The following GPHN variants were observed in gnomAD, a reference collection of about 807,000 sequenced individuals.
The protein encoded by GPHN is gephyrin.
Under a neutral mutation model 95.5 loss-of-function variants are expected in GPHN, and 17 were observed. That is an observed-to-expected ratio of 0.18 (90% CI 0.12 to 0.27). The LOEUF is 0.27. Among genes scored for constraint, GPHN ranks in the 10% least tolerant of loss-of-function variants. The probability of loss-of-function intolerance (pLI) is 1.00; values close to 1 mark genes in which losing one functional copy is unlikely to be tolerated. For missense variants in GPHN, 660 were observed against 978.1 expected (o/e 0.67, Z 4.34); for synonymous variants, 320 against 322.5 (o/e 0.99, Z 0.08).
intron 3 of GPHN, chr14:66,823,382 C>T (rs1444981635): frequency 6.6e-6 from 1 of 152,124 alleles, no homozygotes; most frequent in Non-Finnish European, 1.5e-5. Flanking sequence ...AAATGAAGCA[C>T]AGACAATTGA....
intron 1 of GPHN, among the ~76,000 whole-genome samples, chr14:66,566,890 G>A (rs937180340): frequency 5.3e-5 from 8 of 152,156 alleles, no homozygotes; most frequent in Non-Finnish European, 1.2e-4. Context: ...GAACTTTGGA[G>A]TATAGATTTG....
intron 4 of GPHN, among the ~76,000 whole-genome samples, chr14:66,869,012 A>G (rs993771176): frequency 2.0e-5 from 3 of 152,224 alleles, no homozygotes; most frequent in African/African-American, 4.8e-5. Context: ...GCTAAGTCCA[A>G]TTAAACCTTT....
In GPHN at chr14:66,879,379, G is replaced by GA. The variant is rs1374433957; in HGVS notation, c.295-550dup. ...AAAAAAAAAAAAAGTGGAGAAATCT[G>GA]AAAAAAAAAAGACAGTTAATTTACA... On this transcript the variant is annotated intron_variant, in intron 4 of 22. Coordinates refer to ENST00000478722, the MANE Select transcript of GPHN (RefSeq NM_020806.5). Among the ~76,000 whole-genome samples, 1,118 of 143,424 alleles carry GA rather than the reference G, an allele frequency of 7.8e-3. 10 individuals are homozygous for GA. The highest frequency in any genetic ancestry group is 0.023 in the African/African-American group (912 of 39,042). 94.1% of individuals were successfully genotyped at this position (143,424 alleles called of 152,430 possible). A position where few individuals can be genotyped will look rare whatever the true frequency, so the allele number is the denominator to read the frequency against.
the GPHN span, among the ~76,000 whole-genome samples, chr14:67,421,658 C>T: frequency 4.6e-5 from 7 of 152,172 alleles, no homozygotes; most frequent in Admixed American, 6.5e-5. Flanking sequence ...CGATCCTAGC[C>T]ATTAACTCAC....
At chr14:67,264,820 C>T in the GPHN span, among the ~76,000 whole-genome samples, 3 of 152,130 alleles carry the variant, frequency 2.0e-5, no homozygotes, top group South Asian at 2.1e-4. Flanking sequence ...TATATATATG[C>T]TTTTTGCCAG....
the GPHN span, chr14:67,340,471 G>T: frequency 6.2e-7 from 1 of 1,613,676 alleles, no homozygotes; most frequent in Non-Finnish European, 8.5e-7. Flanking sequence ...CTCTCATCCA[G>T]CTCTGTGATG....
At chr14:66,791,573 C>A (rs991019971) in intron 3 of GPHN, among the ~76,000 whole-genome samples, 15 of 152,042 alleles carry the variant, frequency 9.9e-5, no homozygotes, top group African/African-American at 3.6e-4. Context: ...TTTTTTAGAC[C>A]ATATAGGGTA....
At chr14:67,642,805 T>C in the GPHN span, among the ~76,000 whole-genome samples, 4 of 128,970 alleles carry the variant, frequency 3.1e-5, no homozygotes, top group Non-Finnish European at 4.9e-5. Flanking sequence ...TTTTTTTTTT[T>C]TTTTTTTTTT....
the GPHN span, chr14:67,412,222 G>A: frequency 2.0e-6 from 1 of 509,960 alleles, no homozygotes; most frequent in South Asian, 3.6e-5. Context: ...CTGAGGCCCC[G>A]GGGCAGGAAG....
chr14:67,679,736 G>A, the GPHN span, among the ~76,000 whole-genome samples: 6 of 152,064 alleles, frequency 3.9e-5, no homozygotes, highest in South Asian at 2.1e-4. Context: ...TTATAATTCC[G>A]ATGCAGAAAA....
the GPHN span, among the ~76,000 whole-genome samples, chr14:67,593,018 C>G: frequency 6.6e-6 from 1 of 152,144 alleles, no homozygotes; most frequent in African/African-American, 2.4e-5. Flanking sequence ...AACTCCCGAC[C>G]TTAGGTGATC....
At chr14:67,403,314 G>A in the GPHN span, among the ~76,000 whole-genome samples, 2 of 152,198 alleles carry the variant, frequency 1.3e-5, no homozygotes, top group African/African-American at 2.4e-5. Flanking sequence ...TTTTGGCAAG[G>A]GCAGTAGCAA....
At chr14:67,367,784 C>G in the GPHN span, among the ~76,000 whole-genome samples, 1 of 151,238 alleles carries the variant, frequency 6.6e-6, no homozygotes, top group Non-Finnish European at 1.5e-5. Context: ...TGCAGTGAGC[C>G]AAGATTGCAC....
intron 10 of GPHN, among the ~76,000 whole-genome samples, chr14:67,042,681 C>G (rs1478818466): frequency 6.6e-6 from 1 of 152,160 alleles, no homozygotes; most frequent in Non-Finnish European, 1.5e-5. Context: ...CAGCTTTGTT[C>G]TTCTTGCCCA....
At chr14:66,752,718 G>T (rs1204541509) in intron 2 of GPHN, among the ~76,000 whole-genome samples, 1 of 152,014 alleles carries the variant, frequency 6.6e-6, no homozygotes, top group Non-Finnish European at 1.5e-5. Flanking sequence ...CGTGAAGTGA[G>T]CACATGCACT....
intron 1 of GPHN, among the ~76,000 whole-genome samples, chr14:66,605,986 ATTTAG>A (rs2062515886): frequency 6.6e-6 from 1 of 152,044 alleles, no homozygotes; most frequent in Admixed American, 6.5e-5. Context: ...GTGCAGAGCT[ATTTAG>A]TTTAATTAGG....
chr14:67,366,400 A>G, the GPHN span, among the ~76,000 whole-genome samples: 2 of 152,222 alleles, frequency 1.3e-5, no homozygotes, highest in African/African-American at 4.8e-5. Context: ...AAATATACAC[A>G]AAAGGAGGAA....
At chr14:66,741,422 T>C (rs1217405250) in intron 2 of GPHN, among the ~76,000 whole-genome samples, 2 of 152,204 alleles carry the variant, frequency 1.3e-5, no homozygotes, top group Non-Finnish European at 2.9e-5. Flanking sequence ...AGAGGATATA[T>C]ATGTATGTAT....
the GPHN span, chr14:67,336,827 C>T: frequency 2.2e-6 from 1 of 453,734 alleles, no homozygotes; most frequent in South Asian, 1.6e-5. Context: ...ACTGAATTTA[C>T]ACTGAACCTA....
Sources: allele counts gnomAD v4.1 joint callset (sites outside exome capture counted in the v4.1 genomes callset), GRCh38; gene constraint gnomAD v4.1.1; transcripts MANE v1.5; gene names NCBI Gene and HGNC (gene_info 2026-07-23, HGNC 2026-07-21).